The following TXNDC8 variants were observed in gnomAD, a reference collection of about 807,000 sequenced individuals.
TXNDC8 encodes the protein thioredoxin domain-containing protein 8.
Under a neutral mutation model 12.9 loss-of-function variants are expected in TXNDC8, and 15 were observed. The observed-to-expected ratio is 1.16, with a 90% CI of 0.78 to 1.79. The LOEUF is 1.79. Among genes scored for constraint, TXNDC8 ranks in the 40% most tolerant of loss-of-function variants. The pLI is 0.00. For synonymous variants in TXNDC8, 40 were observed against 35.4 expected (o/e 1.13, Z -0.46); for missense variants, 128 against 113.2 (o/e 1.13, Z -0.59).
At chr9:110,331,239 G>T (rs1174182136) in intron 2 of TXNDC8, among the ~76,000 whole-genome samples, 4 of 152,168 alleles carry the variant, frequency 2.6e-5, no homozygotes, top group African/African-American at 9.7e-5. Context: ...GGCAAGCAGT[G>T]GTGGCAGCCA....
In TXNDC8 at chr9:110,306,973, G is replaced by T. The variant is rs10435859; in HGVS notation, c.196-2441C>A. Among the ~76,000 whole-genome samples, 3 of 151,852 alleles carry T rather than the reference G, an allele frequency of 2.0e-5. No homozygotes were observed. In the East Asian group the frequency reaches 5.8e-4, roughly 29 times the overall value. On this transcript the variant is annotated intron_variant, in intron 3 of 4. Coordinates refer to ENST00000423740, the MANE Select transcript of TXNDC8 (RefSeq NM_001286946.2). ...TTATTTATTTTAGAGATGAGGTCTC[G>T]CTCTGTCACCCAGGCTGGAGTGCAG...
intron 2 of TXNDC8, among the ~76,000 whole-genome samples, chr9:110,331,479 AC>A (rs1482641555): frequency 6.6e-6 from 1 of 152,072 alleles, no homozygotes; most frequent in Non-Finnish European, 1.5e-5. Flanking sequence ...AAGCCCATTC[AC>A]CCAGTCTTCT....
At chr9:110,319,713 T>G (rs552266552) in intron 3 of TXNDC8, among the ~76,000 whole-genome samples, 1 of 152,336 alleles carries the variant, frequency 6.6e-6, no homozygotes, top group South Asian at 2.1e-4. Flanking sequence ...CACCAACATC[T>G]TCCTCAAAAG....
chr9:110,301,555 ATTG>A (rs199661932), downstream of TXNDC8, among the ~76,000 whole-genome samples: 2,276 of 151,730 alleles, frequency 0.015, 27 homozygotes, highest in Non-Finnish European at 0.022. Context: ...AATTGCCTTT[ATTG>A]TTGTGATCCT....
chr9:110,331,452 C>T (rs911930692), intron 2 of TXNDC8, among the ~76,000 whole-genome samples: 84 of 152,010 alleles, frequency 5.5e-4, no homozygotes, highest in African/African-American at 1.9e-3. Flanking sequence ...AAGAGTGGTT[C>T]GTGGAGTTTC....
intron 3 of TXNDC8, chr9:110,322,970 CAG>C: frequency 1.0e-6 from 1 of 985,360 alleles, no homozygotes; most frequent in Non-Finnish European, 1.2e-6. Flanking sequence ...CTGAGTTAAA[CAG>C]AGAAAGGCTT....
At chr9:110,314,771 G>A (rs570690573) in intron 3 of TXNDC8, among the ~76,000 whole-genome samples, 1 of 152,254 alleles carries the variant, frequency 6.6e-6, no homozygotes, top group South Asian at 2.1e-4. Context: ...ACATGTCTCA[G>A]ATATTCAGGG....
intron 3 of TXNDC8, among the ~76,000 whole-genome samples, chr9:110,305,771 T>C (rs1036619801): frequency 6.8e-5 from 6 of 88,318 alleles, no homozygotes; most frequent in African/African-American, 2.4e-4. Flanking sequence ...TCCCTTTCTT[T>C]TCTTTTCTTT....
At chr9:110,334,591 C>G (rs548543431) in intron 1 of TXNDC8, among the ~76,000 whole-genome samples, 2 of 152,246 alleles carry the variant, frequency 1.3e-5, no homozygotes, top group East Asian at 1.9e-4. Context: ...CCATTGTTCT[C>G]TAGCTGACCC....
At chr9:110,301,682 A>G (rs1322029201), downstream of TXNDC8, among the ~76,000 whole-genome samples, 1 of 152,174 alleles carries the variant, frequency 6.6e-6, no homozygotes, top group Admixed American at 6.5e-5. Context: ...CGAAGACTGG[A>G]AAATAAAGAA....
In TXNDC8 at chr9:110,320,716, A is replaced by AATTTAT. The variant is rs561069056; in HGVS notation, c.195+5453_195+5458dup. ...AGATTTTAAGAGGGTCTATAAATCC[A>AATTTAT]ATTTATGAACAACTTACAAGAGAAT... On this transcript the variant is annotated intron_variant, in intron 3 of 4. Coordinates refer to ENST00000423740, the MANE Select transcript of TXNDC8 (RefSeq NM_001286946.2). Among the ~76,000 whole-genome samples the AATTTAT allele has an allele frequency of 5.3e-5, 8 of 152,360 alleles. No homozygotes were observed. The East Asian group carries it at 1.3e-3, about 26-fold the overall frequency.
intron 3 of TXNDC8, among the ~76,000 whole-genome samples, chr9:110,307,444 T>C (rs1838511249): frequency 6.6e-6 from 1 of 152,196 alleles, no homozygotes; most frequent in African/African-American, 2.4e-5. Flanking sequence ...AGGAACTTAA[T>C]AGGTGGAGTT....
chr9:110,327,671 A>C (rs1333587753), intron 2 of TXNDC8, among the ~76,000 whole-genome samples: 1 of 152,194 alleles, frequency 6.6e-6, no homozygotes, highest in Non-Finnish European at 1.5e-5. Context: ...AAATGTATGC[A>C]GTGAAAGCAG....
intron 2 of TXNDC8, among the ~76,000 whole-genome samples, chr9:110,328,303 T>G (rs924002159): frequency 3.9e-5 from 6 of 152,166 alleles, no homozygotes; most frequent in Non-Finnish European, 8.8e-5. Context: ...AAACATTGTG[T>G]GTATTAATAA....
chr9:110,329,201 A>G (rs113340457), intron 2 of TXNDC8, 31 bp downstream of exon 3: 1 of 1,590,114 alleles, frequency 6.3e-7, no homozygotes. Context: ...TTGGATTTTG[A>G]GTATGTGCAC....
intron 1 of TXNDC8, among the ~76,000 whole-genome samples, chr9:110,334,747 G>A (rs2118880261): frequency 6.6e-6 from 1 of 152,328 alleles, no homozygotes; most frequent in Admixed American, 6.5e-5. Flanking sequence ...GAGGGATGGG[G>A]GCTGGAGGGT....
At chr9:110,316,306 TGAAAA>T (rs1838884290) in intron 3 of TXNDC8, among the ~76,000 whole-genome samples, 2 of 152,116 alleles carry the variant, frequency 1.3e-5, no homozygotes, top group Admixed American at 1.3e-4. Flanking sequence ...ATGAATAAGA[TGAAAA>T]GAATATGTCT....
intron 3 of TXNDC8, among the ~76,000 whole-genome samples, chr9:110,319,458 A>G (rs1322780861): frequency 6.6e-6 from 1 of 152,358 alleles, no homozygotes; most frequent in Non-Finnish European, 1.5e-5. Flanking sequence ...TTTAGATACA[A>G]TATCACAAAT....
chr9:110,326,361 C>A, intron 2 of TXNDC8, 121 bp from the exon 4 acceptor site: 1 of 856,070 alleles, frequency 1.2e-6, no homozygotes, highest in Non-Finnish European at 1.9e-6. Context: ...TGACACTTTA[C>A]AGACTCTCCT....
Sources: gnomAD v4.1 joint callset for allele counts (sites outside exome capture counted in the v4.1 genomes callset) on GRCh38, gnomAD v4.1.1 for gene constraint, MANE v1.5 for transcripts, NCBI Gene and HGNC (gene_info 2026-07-23, HGNC 2026-07-21) for gene names.